The following MYO18A variants were observed in gnomAD, a reference collection of about 807,000 sequenced individuals.
MYO18A encodes the protein myosin XVIIIA, also known as unconventional myosin-XVIIIa.
In MYO18A, 78 loss-of-function variants were observed where a neutral mutation model predicts 235.8. That is an observed-to-expected ratio of 0.33 (90% CI 0.28 to 0.40). The LOEUF (loss-of-function observed/expected upper bound fraction) is 0.40, where lower values mean the gene tolerates loss of function less well. MYO18A is among the 10% of genes least tolerant of loss of function. The pLI is 1.00. For synonymous variants in MYO18A, 977 were observed against 1,077.8 expected, an observed-to-expected ratio of 0.91 and a Z score of 1.83; for missense variants, 2,215 against 2,699.3, an observed-to-expected ratio of 0.82 and a Z score of 3.98.
rs183513552 is a variant in MYO18A, at chr17:29,084,065, A to G, written c.5897+1539T>C. ...TGCCTGCCTTACTGCGCTGGGCTCA[A>G]TAACTTGGAGCTGGGGCCCAGAGCT... On this transcript the variant is annotated intron_variant, in intron 40 of 41. Transcript: ENST00000527372. 3.0e-3 allele frequency among the ~76,000 whole-genome samples: 462 copies of G among 152,286 alleles called. 1 individual carries two copies. The highest frequency in any genetic ancestry group is 6.8e-3 in the Middle Eastern group (2 of 294).
At chr17:29,087,741 GCCTCTATATC>G in intron 37 of MYO18A, among the ~76,000 whole-genome samples, 1 of 152,104 alleles carries the variant, frequency 6.6e-6, no homozygotes, top group Non-Finnish European at 1.5e-5. Context: ...TGGTCCCCCA[GCCTCTATATC>G]CCTAAAATAA....
intron 41 of MYO18A, among the ~76,000 whole-genome samples, chr17:29,081,737 G>A (rs917631103): frequency 6.6e-6 from 1 of 152,182 alleles, no homozygotes; most frequent in Non-Finnish European, 1.5e-5. Context: ...AGGGGTAGCT[G>A]TCTGTATGAT....
At chr17:29,103,491 AG>A in intron 21 of MYO18A, 107 bp downstream of exon 21, 1 of 1,126,694 alleles carries the variant, frequency 8.9e-7, no homozygotes. Flanking sequence ...AGAGGGCACC[AG>A]GAGACTGGTG....
At chr17:29,084,773 A>T (rs749606505) in intron 40 of MYO18A, among the ~76,000 whole-genome samples, 40 of 151,762 alleles carry the variant, frequency 2.6e-4, no homozygotes, top group Non-Finnish European at 4.1e-4. Context: ...GGCGAGAGAG[A>T]GTGGGGGAAG....
rs2067090736 is a variant in MYO18A at position 29,117,094 on chromosome 17, C to T, written c.2039-639G>A. Among the ~76,000 whole-genome samples the T allele has an allele frequency of 6.6e-6, 1 of 152,144 alleles. No homozygotes were observed. Among genetic ancestry groups the T allele is most frequent in the South Asian group, 2.1e-4 (1 of 4,824 alleles). On this transcript the variant is annotated intron_variant, in intron 10 of 41. Transcript: ENST00000527372. This position sits in a 1 kb window ranked among gnomAD's most constrained non-coding sequence, Gnocchi z 4.6. ...CTCACTCCAGCTGAGCAGCCTGGGG[C>T]CCTTCACATCCCAGAAGGGGCCAAA...
At chr17:29,143,286 G>GC (rs2067780815) in intron 2 of MYO18A, among the ~76,000 whole-genome samples, 1 of 152,128 alleles carries the variant, frequency 6.6e-6, no homozygotes, top group African/African-American at 2.4e-5. Flanking sequence ...AGGCTGGAGT[G>GC]CAGTGGCACT....
Position 29,118,248 on chromosome 17 carries a change from G to A in MYO18A, c.1894-59C>T. ...TCCCAGCACACCCCCATGAGGCTGG[G>A]CCCTCAGGGCAAGGCTTGGGTAGAG... On this transcript the variant is annotated intron_variant, in intron 9 of 41. Transcript: ENST00000527372. This position sits in a 1 kb window ranked among gnomAD's most constrained non-coding sequence, Gnocchi z 4.2. 6.4e-7 allele frequency: 1 copy of A among 1,568,700 alleles called. No individual in the cohort carries two copies. Among genetic ancestry groups the A allele is most frequent in the Admixed American group, 1.8e-5 (1 of 55,074 alleles).
In MYO18A at chr17:29,140,183, G is replaced by GAAGCTC. The variant is rs2067703284; in HGVS notation, c.1000-17936_1000-17931dup. 6.6e-6 allele frequency among the ~76,000 whole-genome samples: 1 copy of GAAGCTC among 152,114 alleles called. No individual in the cohort carries two copies. The highest frequency in any genetic ancestry group is 1.5e-5 in the Non-Finnish European group (1 of 67,996). ...GGCTGAGTAACTCCCTTCTTACCAA[G>GAAGCTC]AAGCTCGGAGAGGAGCCCCAAGGCT... On this transcript the variant is annotated intron_variant, in intron 2 of 41. Transcript: ENST00000527372. The surrounding 1 kb of genome is among the most constrained non-coding windows in gnomAD (Gnocchi z 4.2).
chr17:29,074,156 C>T lies in MYO18A; in HGVS notation c.*614G>A, dbSNP rs762582986. ...CTCCTCACCAGCGTCTCCAGCTGCA[C>T]AGAGAAAGGACTGCTCTCTGAAGGG... On this transcript the variant is annotated 3_prime_UTR_variant, in exon 42 of 42. Coordinates refer to ENST00000527372, the MANE Select transcript of MYO18A (RefSeq NM_078471.4). This position sits in a 1 kb window ranked among gnomAD's most constrained non-coding sequence, Gnocchi z 4.4. 2.0e-5 allele frequency: 32 copies of T among 1,613,174 alleles called. No homozygotes were observed. Among genetic ancestry groups the T allele is most frequent in the Non-Finnish European group, 2.5e-5 (30 of 1,179,610 alleles).
Position 29,166,200 on chromosome 17 carries a change from G to T in MYO18A, c.741C>A (p.Gly247=). The part of the protein sequence containing the change: ...RTTMLDRGPE[G]QACRRVVHFA... The stretch of plus-strand genomic sequence containing the variant: ...AGTGGACCACACGCCGACAGGCCTG[G>T]CCCTCGGGGCCCCGATCCAGCATGG... Residue 247 remains glycine, a synonymous_variant, in exon 2 of 42, where the codon GGC becomes GGA. Transcript: ENST00000527372. The T allele has an allele frequency of 6.2e-7, 1 of 1,612,746 alleles. No individual in the cohort carries two copies. Among genetic ancestry groups the T allele is most frequent in the Non-Finnish European group, 8.5e-7 (1 of 1,179,886 alleles).
chr17:29,128,478 G>T (rs894165559), intron 2 of MYO18A: 10 of 1,288,518 alleles, frequency 7.8e-6, no homozygotes, highest in African/African-American at 7.6e-5. Context: ...GTCTCTGGGG[G>T]TATCGGGCTG....
At position 29,109,166 on chromosome 17, in the gene MYO18A, A is replaced by C. The variant is rs925221195; in HGVS notation, c.3331+692T>G. On this transcript the variant is annotated intron_variant, in intron 19 of 41. Coordinates refer to ENST00000527372, the MANE Select transcript of MYO18A (RefSeq NM_078471.4). This position sits in a 1 kb window ranked among gnomAD's most constrained non-coding sequence, Gnocchi z 4.1. ...TTCTCAGGCAAAAAACAAAAAAAAAACAAAAAAAACCCACCCTACTTGAGA... is the reference window on the plus strand; with the variant it reads ...TTCTCAGGCAAAAAACAAAAAAAAACCAAAAAAAACCCACCCTACTTGAGA... 2.0e-4 allele frequency among the ~76,000 whole-genome samples: 30 copies of C among 150,248 alleles called. No individual in the cohort carries two copies. The highest frequency in any genetic ancestry group is 2.8e-4 in the Non-Finnish European group (19 of 67,760).
intron 40 of MYO18A, among the ~76,000 whole-genome samples, chr17:29,085,240 T>C (rs1363486238): frequency 6.6e-6 from 1 of 152,154 alleles, no homozygotes; most frequent in Non-Finnish European, 1.5e-5. Flanking sequence ...CCAAACAGAC[T>C]TTTCCCCCCA....
intron 39 of MYO18A, among the ~76,000 whole-genome samples, chr17:29,085,860 G>A (rs1397379565): frequency 1.3e-5 from 2 of 152,316 alleles, no homozygotes; most frequent in East Asian, 3.9e-4. Flanking sequence ...CCCCAAAGCA[G>A]CAGGGTCCCT....
chr17:29,112,579 T>C (rs2066958264), intron 15 of MYO18A, among the ~76,000 whole-genome samples: 1 of 152,228 alleles, frequency 6.6e-6, no homozygotes, highest in Non-Finnish European at 1.5e-5. Flanking sequence ...AAGGTAGAAA[T>C]ATCTAATTCT....
At chr17:29,093,485 G>C in intron 31 of MYO18A, 58 bp from the exon 32 acceptor site, 1 of 1,364,402 alleles carries the variant, frequency 7.3e-7, no homozygotes, top group Non-Finnish European at 1.0e-6. Flanking sequence ...TGCGAAGCAG[G>C]CCCCTTCCAT....
intron 2 of MYO18A, among the ~76,000 whole-genome samples, chr17:29,161,451 T>C (rs7405818): frequency 0.63 from 93,348 of 147,568 alleles, 30,484 homozygotes; most frequent in East Asian, 0.88. Context: ...CGCTTGAGCA[T>C]ATAAGCCAAG....
Position 29,071,440 on chromosome 17 carries a change from G to T in MYO18A, c.*3330C>A, listed in dbSNP as rs900497016. The T allele has an allele frequency of 5.3e-5, 8 of 152,216 alleles. No individual in the cohort carries two copies. The highest frequency in any genetic ancestry group is 1.0e-4 in the Non-Finnish European group (7 of 68,054). The allele number at this position is 152,216 out of a possible 1,614,324, so 9.4% of individuals were successfully genotyped here. A position where few individuals can be genotyped will look rare whatever the true frequency, so the allele number is the denominator to read the frequency against. ...GGACTCCTCTGGGGCCAAGGGAATTGTCTCCTTCTCAACTGAAACTTGGAG... is the reference window on the plus strand; with the variant it reads ...GGACTCCTCTGGGGCCAAGGGAATTTTCTCCTTCTCAACTGAAACTTGGAG... On this transcript the variant is annotated 3_prime_UTR_variant, in exon 42 of 42. Coordinates refer to ENST00000527372, the MANE Select transcript of MYO18A (RefSeq NM_078471.4).
Position 29,099,782 on chromosome 17 carries a change from G to C in MYO18A, c.3508-20C>G, listed in dbSNP as rs1426787029. The C allele has an allele frequency of 1.2e-6, 2 of 1,608,898 alleles. No homozygotes were observed. The highest frequency in any genetic ancestry group is 2.2e-5 in the South Asian group (2 of 90,524). Reference sequence around the variant, plus strand: ...GAACACCTGTGAAAAAGCAGGCCAGGTGAAGGCAGGATACTGGGCCAGCCC... The same window carrying C: ...GAACACCTGTGAAAAAGCAGGCCAGCTGAAGGCAGGATACTGGGCCAGCCC... On this transcript the variant is annotated intron_variant, in intron 21 of 41. Coordinates refer to ENST00000527372, the MANE Select transcript of MYO18A (RefSeq NM_078471.4).
Sources: allele counts gnomAD v4.1 joint callset (sites outside exome capture counted in the v4.1 genomes callset), GRCh38; gene constraint gnomAD v4.1.1; non-coding constraint Gnocchi (gnomAD v3.1); transcripts MANE v1.5; gene names NCBI Gene and HGNC (gene_info 2026-07-23, HGNC 2026-07-21).